The following RIMBP2 variants were observed in gnomAD, a reference collection of about 807,000 sequenced individuals.
RIMBP2 encodes RIMS binding protein 2.
Under a neutral mutation model 118.6 loss-of-function variants are expected in RIMBP2, and 48 were observed. The ratio of observed to expected loss-of-function variants is 0.40; its 90% CI spans 0.32 to 0.51. The LOEUF (loss-of-function observed/expected upper bound fraction) is 0.51. RIMBP2 is among the 20% of genes least tolerant of loss of function. The pLI, the probability that RIMBP2 is intolerant of heterozygous loss-of-function variation, is 0.41. For synonymous variants in RIMBP2, 762 were observed against 742.9 expected (o/e 1.03, Z -0.42); for missense variants, 1,551 against 1,768.3 (o/e 0.88, Z 2.20).
At chr12:130,648,025 A>T (rs2063066962) in intron 1 of RIMBP2, among the ~76,000 whole-genome samples, 1 of 146,394 alleles carries the variant, frequency 6.8e-6, no homozygotes, top group African/African-American at 2.5e-5. Context: ...ACATGTGAAC[A>T]CACGTGTGTA....
chr12:130,610,551 C>CCTTTTT (rs1232222327), intron 2 of RIMBP2, among the ~76,000 whole-genome samples: 1 of 81,548 alleles, frequency 1.2e-5, no homozygotes. Flanking sequence ...AATTTTCCTG[C>CCTTTTT]TTTTTTTTTT....
chr12:130,654,768 A>T (rs1354257914), intron 1 of RIMBP2, among the ~76,000 whole-genome samples: 1 of 152,226 alleles, frequency 6.6e-6, no homozygotes, highest in East Asian at 1.9e-4. Context: ...CTGTACAGAA[A>T]ACAGGGTGCA....
intron 19 of RIMBP2, among the ~76,000 whole-genome samples, chr12:130,408,127 C>T (rs890385869): frequency 1.3e-5 from 2 of 152,212 alleles, no homozygotes; most frequent in Non-Finnish European, 2.9e-5. Context: ...ACGGGGCTCT[C>T]GAACAGCAAA....
intron 1 of RIMBP2, among the ~76,000 whole-genome samples, chr12:130,690,108 C>T (rs535964873): frequency 1.8e-4 from 28 of 152,182 alleles, no homozygotes; most frequent in Non-Finnish European, 3.2e-4. Flanking sequence ...TCAGCAAGGG[C>T]GGGTCAAGTC....
In RIMBP2 at chr12:130,492,817, T is replaced by C. The variant is rs144912908; in HGVS notation, c.-3-13801A>G. Among the ~76,000 whole-genome samples, 446 of 152,300 alleles carry C rather than the reference T, an allele frequency of 2.9e-3. 1 individual carries two copies. The highest frequency in any genetic ancestry group is 0.01 in the African/African-American group (422 of 41,564). On this transcript the variant is annotated intron_variant, in intron 4 of 22. Coordinates refer to ENST00000690449, the MANE Select transcript of RIMBP2 (RefSeq NM_001393629.1). ...TTCCTAGGTTGTCGCAAGAATGAGATTAAATGTTAGATTCAAAGGGATCTG... is the reference window on the plus strand; with the variant it reads ...TTCCTAGGTTGTCGCAAGAATGAGACTAAATGTTAGATTCAAAGGGATCTG...
chr12:130,490,073 G>A lies in RIMBP2; in HGVS notation c.-3-11057C>T, dbSNP rs7976079. Among the ~76,000 whole-genome samples, 964 of 144,920 alleles carry A rather than the reference G, an allele frequency of 6.7e-3. 12 individuals carry two copies. Among genetic ancestry groups the A allele is most frequent in the African/African-American group, 0.024 (915 of 38,898 alleles). On this transcript the variant is annotated intron_variant, in intron 4 of 22. Coordinates refer to ENST00000690449, the MANE Select transcript of RIMBP2 (RefSeq NM_001393629.1). ...CGGGAGGCGGAGGTTGCAGTGAGCC[G>A]AGACTGCACCACTGCACTCCAGCCT... is the stretch of plus-strand genomic sequence containing the variant.
intron 2 of RIMBP2, among the ~76,000 whole-genome samples, chr12:130,595,372 C>G (rs2059494571): frequency 6.6e-6 from 1 of 152,036 alleles, no homozygotes; most frequent in South Asian, 2.1e-4. Flanking sequence ...TTCTGGCTAA[C>G]ACAGTGAAAC....
chr12:130,664,121 A>G (rs2063769521), intron 1 of RIMBP2, among the ~76,000 whole-genome samples: 1 of 151,716 alleles, frequency 6.6e-6, no homozygotes, highest in Non-Finnish European at 1.5e-5. Context: ...AAATAAAAAT[A>G]AAAAAGAAGT....
Position 130,603,854 on chromosome 12 carries a change from A to G in RIMBP2, c.-217+24468T>C, listed in dbSNP as rs556665074. 3.3e-5 allele frequency among the ~76,000 whole-genome samples: 5 copies of G among 152,362 alleles called. No individual in the cohort carries two copies. The East Asian group carries it at 9.6e-4, about 29-fold the overall frequency. On this transcript the variant is annotated intron_variant, in intron 2 of 22. Coordinates refer to ENST00000690449, the MANE Select transcript of RIMBP2 (RefSeq NM_001393629.1). ...GATCCTGCAAAGTACATCATGCTTG[A>G]TACGTGATAATAAGCAACTATGTCA...
intron 1 of RIMBP2, among the ~76,000 whole-genome samples, chr12:130,661,666 A>G (rs2063670059): frequency 6.6e-6 from 1 of 152,228 alleles, no homozygotes; most frequent in African/African-American, 2.4e-5. Flanking sequence ...ATCAGTGCCC[A>G]GCCTCTGACA....
chr12:130,624,789 A>G (rs1594085074), intron 2 of RIMBP2, among the ~76,000 whole-genome samples: 2 of 152,324 alleles, frequency 1.3e-5, no homozygotes, highest in Admixed American at 6.5e-5. Context: ...TCATGGCACT[A>G]TCTCAGCTTA....
chr12:130,628,929 AT>A (rs1166364090), intron 1 of RIMBP2, among the ~76,000 whole-genome samples: 2 of 152,224 alleles, frequency 1.3e-5, no homozygotes, highest in African/African-American at 4.8e-5. Context: ...TATAGGTCAA[AT>A]TAATTAATAA....
Position 130,447,576 on chromosome 12 carries a change from T to C in RIMBP2, c.582-2307A>G, listed in dbSNP as rs2078639425. The stretch of plus-strand genomic sequence containing the variant: ...GTGATCACTGATGGGAATGGGTTCT[T>C]GAGGGGCGATGGGAGACCCCCACAT... On this transcript the variant is annotated intron_variant, in intron 9 of 22. Transcript: ENST00000690449. The surrounding 1 kb of genome is among the most constrained non-coding windows in gnomAD (Gnocchi z 4.4). 6.6e-6 allele frequency among the ~76,000 whole-genome samples: 1 copy of C among 151,690 alleles called. No homozygotes were observed. The highest frequency in any genetic ancestry group is 6.6e-5 in the Admixed American group (1 of 15,236).
rs114641572 is a variant in RIMBP2 at position 130,598,919 on chromosome 12, G to C, written c.-217+29403C>G. Among the ~76,000 whole-genome samples, 785 of 152,220 alleles carry C rather than the reference G, an allele frequency of 5.2e-3. 3 individuals carry two copies. Among genetic ancestry groups the C allele is most frequent in the African/African-American group, 0.014 (587 of 41,516 alleles). ...TTTGATGGGGTCTATGTCACTCAGC[G>C]TGGCCTCAAACTTCTGAGCTCAAGC... On this transcript the variant is annotated intron_variant, in intron 2 of 22. Coordinates refer to ENST00000690449, the MANE Select transcript of RIMBP2 (RefSeq NM_001393629.1).
intron 17 of RIMBP2, among the ~76,000 whole-genome samples, chr12:130,417,519 A>T (rs565366301): frequency 6.6e-6 from 1 of 152,326 alleles, no homozygotes; most frequent in African/African-American, 2.4e-5. Context: ...GTGGGAGCTA[A>T]ACATTGGGTC....
intron 12 of RIMBP2, 32 bp downstream of exon 12, chr12:130,438,333 A>AATGCC: frequency 6.3e-6 from 9 of 1,434,698 alleles, no homozygotes; most frequent in South Asian, 1.1e-5. Flanking sequence ...AGGGCCTAAC[A>AATGCC]AACCCTCCCC....
At chr12:130,451,503 C>T (rs572141617) in intron 7 of RIMBP2, among the ~76,000 whole-genome samples, 163 bp from the exon 8 acceptor site, 49 of 152,366 alleles carry the variant, frequency 3.2e-4, no homozygotes, top group African/African-American at 1.1e-3. Context: ...TGTAGGCTGG[C>T]GGCGCGACCC....
intron 2 of RIMBP2, among the ~76,000 whole-genome samples, chr12:130,606,425 C>T (rs528435993): frequency 7.9e-5 from 12 of 152,228 alleles, no homozygotes; most frequent in African/African-American, 1.2e-4. Flanking sequence ...CAGGGAGTCG[C>T]GCGTCTACAC....
At chr12:130,631,199 A>G (rs1409613150) in intron 1 of RIMBP2, among the ~76,000 whole-genome samples, 1 of 152,250 alleles carries the variant, frequency 6.6e-6, no homozygotes, top group East Asian at 1.9e-4. Context: ...AAATGGCACA[A>G]TTGAAAATCA....
Sources: gnomAD v4.1 joint callset for allele counts (sites outside exome capture counted in the v4.1 genomes callset) on GRCh38, gnomAD v4.1.1 for gene constraint, Gnocchi (gnomAD v3.1) non-coding constraint, MANE v1.5 for transcripts, NCBI Gene and HGNC (gene_info 2026-07-23, HGNC 2026-07-21) for gene names.